MAP4K4: variants seen among roughly 807,000 people sequenced by gnomAD.
The protein encoded by MAP4K4 is HPK/GCK-like kinase HGK.
In MAP4K4, 38 loss-of-function variants were observed where a neutral mutation model predicts 189.6. The ratio of observed to expected loss-of-function variants is 0.20; its 90% CI spans 0.15 to 0.26. The LOEUF (loss-of-function observed/expected upper bound fraction) is 0.26, where lower values mean the gene tolerates loss of function less well. Among genes scored for constraint, MAP4K4 ranks in the 10% least tolerant of loss-of-function variants. MAP4K4 has a pLI of 1.00. For synonymous variants in MAP4K4, 610 were observed against 624.3 expected (o/e 0.98, Z 0.34); for missense variants, 1,054 against 1,726.9 (o/e 0.61, Z 6.91).
chr2:101,749,804 A>T (rs1282578885), intron 2 of MAP4K4, among the ~76,000 whole-genome samples: 4 of 139,770 alleles, frequency 2.9e-5, no homozygotes, highest in Non-Finnish European at 4.6e-5. Context: ...GAACTCAAAC[A>T]AATTTACAAG....
At position 101,846,556 on chromosome 2, in the gene MAP4K4, C is replaced by T. The variant is rs184619405; in HGVS notation, c.1233+2245C>T. On this transcript the variant is annotated intron_variant, in intron 12 of 32. Transcript: ENST00000324219. Reference sequence around the variant, plus strand: ...GCATGTGGTAGGTGGTGAAGGTGAGCGATGGTAGAAGGTGAAGGTGAGCGA... The same window carrying T: ...GCATGTGGTAGGTGGTGAAGGTGAGTGATGGTAGAAGGTGAAGGTGAGCGA... Among the ~76,000 whole-genome samples, 217 of 152,084 alleles carry T rather than the reference C, an allele frequency of 1.4e-3. 1 individual carries two copies. The highest frequency in any genetic ancestry group is 4.8e-3 in the African/African-American group (198 of 41,450).
intron 2 of MAP4K4, among the ~76,000 whole-genome samples, chr2:101,788,230 A>G (rs1575567993): frequency 6.6e-6 from 1 of 152,198 alleles, no homozygotes; most frequent in Admixed American, 6.5e-5. Flanking sequence ...GCAGTCTACA[A>G]GGAGAAAGGA....
intron 2 of MAP4K4, among the ~76,000 whole-genome samples, chr2:101,769,589 CT>C (rs879873297): frequency 1.7e-3 from 246 of 144,794 alleles, no homozygotes; most frequent in African/African-American, 1.9e-3. Context: ...ATGTCTTTTT[CT>C]TTTTTTTTTT....
chr2:101,847,925 T>C (rs2097159993), intron 12 of MAP4K4, among the ~76,000 whole-genome samples: 1 of 152,196 alleles, frequency 6.6e-6, no homozygotes, highest in Non-Finnish European at 1.5e-5. Flanking sequence ...TTTTATAGCA[T>C]GTTTTTACTG....
chr2:101,853,816 A>AT (rs1489320133), intron 12 of MAP4K4, among the ~76,000 whole-genome samples: 1 of 152,144 alleles, frequency 6.6e-6, no homozygotes, highest in East Asian at 1.9e-4. Context: ...AGAGTGTGGA[A>AT]TGGGTCCTGT....
rs139847712 is a variant in MAP4K4 at position 101,783,480 on chromosome 2, A to G, written c.124-7240A>G. ...GTAATTCCCAGACTTCAGAGTGTGTAAGAAATCACTAGAATGCTAGTTTAA... is the reference window on the plus strand; with the variant it reads ...GTAATTCCCAGACTTCAGAGTGTGTGAGAAATCACTAGAATGCTAGTTTAA... On this transcript the variant is annotated intron_variant, in intron 2 of 32. Coordinates refer to ENST00000324219, the Ensembl canonical transcript of MAP4K4. Among the ~76,000 whole-genome samples the G allele has an allele frequency of 3.6e-4, 55 of 152,246 alleles. No individual in the cohort carries two copies. The East Asian group carries it at 8.5e-3, about 23-fold the overall frequency.
intron 2 of MAP4K4, among the ~76,000 whole-genome samples, chr2:101,700,745 A>AC (rs2037997220): frequency 6.6e-6 from 1 of 151,318 alleles, no homozygotes; most frequent in Non-Finnish European, 1.5e-5. Context: ...TTCACTATTA[A>AC]CGTTTTCTTG....
intron 29 of MAP4K4, among the ~76,000 whole-genome samples, chr2:101,885,777 A>C (rs1358360325): frequency 6.6e-6 from 1 of 152,212 alleles, no homozygotes; most frequent in Non-Finnish European, 1.5e-5. Context: ...TTTTTGTTTC[A>C]ATAAAAAACT....
At chr2:101,730,604 A>G (rs1388817386) in intron 2 of MAP4K4, among the ~76,000 whole-genome samples, 1 of 152,128 alleles carries the variant, frequency 6.6e-6, no homozygotes, top group Non-Finnish European at 1.5e-5. Flanking sequence ...GCAGCACTGG[A>G]CAGGTGTTCA....
At position 101,848,848 on chromosome 2, in the gene MAP4K4, T is replaced by C. The variant is rs562685502; in HGVS notation, c.1233+4537T>C. 3.3e-4 allele frequency among the ~76,000 whole-genome samples: 51 copies of C among 152,324 alleles called. 1 individual carries two copies. In the South Asian group the frequency reaches 1.0e-2, roughly 30 times the overall value. ...TTCTTTGGAAGTCCTTGCAACTCTT[T>C]TGGAGTTTGTCTCCCGGTTTTGCTG... On this transcript the variant is annotated intron_variant, in intron 12 of 32. Coordinates refer to ENST00000324219, the Ensembl canonical transcript of MAP4K4.
intron 2 of MAP4K4, among the ~76,000 whole-genome samples, chr2:101,713,724 G>A (rs907401039): frequency 1.4e-5 from 2 of 144,284 alleles, no homozygotes; most frequent in Non-Finnish European, 3.1e-5. Flanking sequence ...GCGAAACCCC[G>A]TCTCTACTAA....
intron 3 of MAP4K4, among the ~76,000 whole-genome samples, chr2:101,793,537 G>A (rs1265557102): frequency 6.6e-6 from 1 of 151,554 alleles, no homozygotes; most frequent in Non-Finnish European, 1.5e-5. Flanking sequence ...TATTGGAGCG[G>A]GTTCTCTTGA....
chr2:101,740,889 CA>C (rs1259839543), intron 2 of MAP4K4, among the ~76,000 whole-genome samples: 1 of 152,154 alleles, frequency 6.6e-6, no homozygotes, highest in Non-Finnish European at 1.5e-5. Context: ...ACAATAGTAA[CA>C]GTGATTACAG....
chr2:101,734,109 A>G (rs1276213037), intron 2 of MAP4K4, among the ~76,000 whole-genome samples: 2 of 152,178 alleles, frequency 1.3e-5, no homozygotes, highest in Non-Finnish European at 2.9e-5. Flanking sequence ...TTGATAGAAA[A>G]TAAATCCCAT....
At chr2:101,744,241 A>G (rs920463778) in intron 2 of MAP4K4, among the ~76,000 whole-genome samples, 4 of 151,844 alleles carry the variant, frequency 2.6e-5, no homozygotes, top group Non-Finnish European at 4.4e-5. Flanking sequence ...TAATTTTAAG[A>G]GTAGATTTTA....
At chr2:101,851,159 G>A (rs933811989) in intron 12 of MAP4K4, among the ~76,000 whole-genome samples, 1 of 152,116 alleles carries the variant, frequency 6.6e-6, no homozygotes, top group African/African-American at 2.4e-5. Flanking sequence ...AGCTTAGTTG[G>A]ACAAGTACAT....
At chr2:101,718,484 A>G (rs1337421358) in intron 2 of MAP4K4, among the ~76,000 whole-genome samples, 2 of 150,218 alleles carry the variant, frequency 1.3e-5, no homozygotes, top group African/African-American at 4.9e-5. Flanking sequence ...CAGGGTTTCG[A>G]CAGGTTTGGT....
chr2:101,733,285 C>CT (rs1223317742), intron 2 of MAP4K4, among the ~76,000 whole-genome samples: 3 of 152,118 alleles, frequency 2.0e-5, no homozygotes, highest in African/African-American at 7.2e-5. Context: ...AGGCCTCACT[C>CT]TTTGAGTGTG....
intron 2 of MAP4K4, among the ~76,000 whole-genome samples, chr2:101,729,940 A>T (rs1278926349): frequency 6.6e-6 from 1 of 152,046 alleles, no homozygotes; most frequent in African/African-American, 2.4e-5. Flanking sequence ...ACAACATCAG[A>T]TGGTGTGTAA....
Sources: allele counts gnomAD v4.1 joint callset (sites outside exome capture counted in the v4.1 genomes callset), GRCh38; gene constraint gnomAD v4.1.1; transcripts MANE v1.5; gene names NCBI Gene and HGNC (gene_info 2026-07-23, HGNC 2026-07-21).